HACE1: variants seen among roughly 807,000 people sequenced by gnomAD.
The protein encoded by HACE1 is HECT domain and ankyrin repeat containing E3 ubiquitin protein ligase 1, also known as E3 ubiquitin-protein ligase HACE1.
HACE1 carries 73 observed loss-of-function variants against 118.4 expected under a neutral mutation model. That is an observed-to-expected ratio of 0.62 (90% CI 0.51 to 0.75). HACE1 has a LOEUF of 0.75. HACE1 is among the 30% of genes least tolerant of loss of function. The probability of loss-of-function intolerance (pLI) is 0.00; values close to 1 mark genes in which losing one functional copy is unlikely to be tolerated. For synonymous variants in HACE1, 368 were observed against 374.8 expected (o/e 0.98, Z 0.21); for missense variants, 749 against 1,102.2 (o/e 0.68, Z 4.54).
intron 22 of HACE1, among the ~76,000 whole-genome samples, chr6:104,736,629 G>GT (rs1245773451): frequency 1.3e-5 from 2 of 152,090 alleles, no homozygotes; most frequent in Admixed American, 1.3e-4. Context: ...GGGAAGGGTG[G>GT]TAAGTTATTG....
At chr6:104,745,474 T>G (rs935581604) in intron 20 of HACE1, among the ~76,000 whole-genome samples, 1 of 151,426 alleles carries the variant, frequency 6.6e-6, no homozygotes, top group Non-Finnish European at 1.5e-5. Context: ...TGAGACCGAG[T>G]CTGGCTCTGT....
chr6:104,844,049 T>TTC (rs1775377198), intron 4 of HACE1, among the ~76,000 whole-genome samples: 1 of 150,374 alleles, frequency 6.7e-6, no homozygotes, highest in Non-Finnish European at 1.5e-5. Flanking sequence ...TTTTTTTTTT[T>TTC]CTGTGATGGA....
At chr6:104,770,887 A>G (rs1467963402) in intron 19 of HACE1, among the ~76,000 whole-genome samples, 9 of 152,180 alleles carry the variant, frequency 5.9e-5, no homozygotes, top group Non-Finnish European at 2.9e-5. Context: ...CAATTTTTGC[A>G]AATATCTTCA....
At chr6:104,761,469 T>C (rs941648498) in intron 19 of HACE1, among the ~76,000 whole-genome samples, 5 of 152,344 alleles carry the variant, frequency 3.3e-5, no homozygotes, top group East Asian at 1.9e-4. Context: ...TTTAAATAAA[T>C]GGTTTTGGGA....
At chr6:104,743,092 C>T (rs1327443887) in intron 22 of HACE1, among the ~76,000 whole-genome samples, 1 of 145,240 alleles carries the variant, frequency 6.9e-6, no homozygotes, top group African/African-American at 2.6e-5. Context: ...TATTCTCATT[C>T]ATAGGTGGGA....
At position 104,795,836 on chromosome 6, in the gene HACE1, G is replaced by C. The variant is rs1769562695; in HGVS notation, c.817-151C>G. The stretch of plus-strand genomic sequence containing the variant: ...TTGCATAAGTTTAAAAGCTAATATA[G>C]AGATATGATGATACATAATAAAATC... On this transcript the variant is annotated intron_variant, in intron 9 of 23. Coordinates refer to ENST00000262903, the MANE Select transcript of HACE1 (RefSeq NM_020771.4). The C allele has an allele frequency of 6.6e-6, 4 of 602,954 alleles. No homozygotes were observed. In the East Asian group the frequency reaches 1.1e-4, roughly 17 times the overall value. 37.4% of individuals were successfully genotyped at this position (602,954 alleles called of 1,614,324 possible).
At chr6:104,841,007 G>A (rs1775062157) in intron 5 of HACE1, among the ~76,000 whole-genome samples, 1 of 151,932 alleles carries the variant, frequency 6.6e-6, no homozygotes, top group Non-Finnish European at 1.5e-5. Flanking sequence ...TATATTCCCA[G>A]CTACTCGGGA....
intron 6 of HACE1, among the ~76,000 whole-genome samples, chr6:104,816,631 A>G (rs1279230178): frequency 6.6e-6 from 1 of 152,236 alleles, no homozygotes; most frequent in Non-Finnish European, 1.5e-5. Flanking sequence ...AGGGCAGTGC[A>G]GACAGGAAAT....
At chr6:104,775,818 TTCTGA>T (rs1242192184) in intron 17 of HACE1, among the ~76,000 whole-genome samples, 2 of 152,212 alleles carry the variant, frequency 1.3e-5, no homozygotes, top group Admixed American at 1.3e-4. Flanking sequence ...AAAATCATCC[TTCTGA>T]TCAAATAGGG....
intron 19 of HACE1, 82 bp downstream of exon 19, chr6:104,771,111 G>A: frequency 3.1e-6 from 3 of 969,946 alleles, no homozygotes; most frequent in Non-Finnish European, 5.0e-6. Context: ...TTTTCTACAA[G>A]TGCCAGAAGA....
chr6:104,789,037 G>T (rs923109826), intron 11 of HACE1, among the ~76,000 whole-genome samples: 1 of 152,094 alleles, frequency 6.6e-6, no homozygotes, highest in Non-Finnish European at 1.5e-5. Context: ...AATGTGGTAA[G>T]AATTAAAATG....
intron 1 of HACE1, among the ~76,000 whole-genome samples, chr6:104,857,829 G>C (rs894800111): frequency 6.6e-6 from 1 of 151,814 alleles, no homozygotes; most frequent in African/African-American, 2.4e-5. Context: ...TGGTGGCAGG[G>C]GCCTGTAGTC....
chr6:104,766,441 T>C (rs1780025458), intron 19 of HACE1, among the ~76,000 whole-genome samples: 2 of 152,190 alleles, frequency 1.3e-5, no homozygotes, highest in African/African-American at 4.8e-5. Context: ...CTCTGAATTA[T>C]GGATGCTCAA....
intron 17 of HACE1, 93 bp from the exon 18 acceptor site, chr6:104,772,167 T>C (rs1780692560): frequency 1.4e-6 from 1 of 723,870 alleles, no homozygotes; most frequent in South Asian, 1.7e-5. Context: ...ACATACAACT[T>C]CAGCAAAGCT....
chr6:104,735,028 T>TA (rs1775660794), intron 22 of HACE1, among the ~76,000 whole-genome samples: 1 of 151,920 alleles, frequency 6.6e-6, no homozygotes, highest in Non-Finnish European at 1.5e-5. Context: ...AAACTTACAT[T>TA]AAAAAATTTA....
chr6:104,831,682 G>A lies in HACE1; in HGVS notation c.534+1360C>T, dbSNP rs372118926. On this transcript the variant is annotated intron_variant, in intron 6 of 23. Coordinates refer to ENST00000262903, the MANE Select transcript of HACE1 (RefSeq NM_020771.4). ...GCCGAGGCAGGCGGATCATGAGGTC[G>A]GGAGATTGAGACCATCCTGGCTAAC... is the stretch of plus-strand genomic sequence containing the variant. Among the ~76,000 whole-genome samples the A allele has an allele frequency of 1.3e-4, 19 of 151,640 alleles. No individual in the cohort carries two copies. In the East Asian group the frequency reaches 2.2e-3, roughly 17 times the overall value.
intron 5 of HACE1, among the ~76,000 whole-genome samples, chr6:104,840,714 A>T (rs1775025613): frequency 6.6e-6 from 1 of 152,174 alleles, no homozygotes; most frequent in African/African-American, 2.4e-5. Flanking sequence ...CTGTAATCCC[A>T]GCACTTTGGG....
intron 20 of HACE1, among the ~76,000 whole-genome samples, chr6:104,747,618 C>A (rs1322033042): frequency 6.6e-6 from 1 of 151,840 alleles, no homozygotes; most frequent in African/African-American, 2.4e-5. Flanking sequence ...GTGATGGTAT[C>A]TGGGGTCAGG....
At chr6:104,744,645 C>A (rs1221507102) in intron 20 of HACE1, 35 bp from the exon 21 acceptor site, 8 of 1,230,288 alleles carry the variant, frequency 6.5e-6, no homozygotes, top group Non-Finnish European at 9.6e-6. Flanking sequence ...CAATAATTTT[C>A]TTTAGGGAAA....
Sources: allele counts gnomAD v4.1 joint callset (sites outside exome capture counted in the v4.1 genomes callset), GRCh38; gene constraint gnomAD v4.1.1; transcripts MANE v1.5; gene names NCBI Gene and HGNC (gene_info 2026-07-23, HGNC 2026-07-21).